Variants in TSGA13 observed in about 807,000 individuals in gnomAD.
TSGA13 encodes testis specific 13, also known as testis-specific gene 13 protein.
TSGA13 carries 37 observed loss-of-function variants against 35.1 expected under a neutral mutation model. That is an observed-to-expected ratio of 1.05 (90% CI 0.81 to 1.39). The LOEUF (loss-of-function observed/expected upper bound fraction) is 1.39. Ranked by LOEUF, TSGA13 falls within the 40% of genes most tolerant of loss-of-function variation. TSGA13 has a pLI of 0.00. For synonymous variants in TSGA13, 124 were observed against 121.2 expected, an observed-to-expected ratio of 1.02 and a Z score of -0.15; for missense variants, 338 against 328.5, an observed-to-expected ratio of 1.03 and a Z score of -0.22.
At chr7:130,684,876 T>C (rs1419078363) in intron 2 of TSGA13, among the ~76,000 whole-genome samples, 1 of 152,234 alleles carries the variant, frequency 6.6e-6, no homozygotes, top group Non-Finnish European at 1.5e-5. Flanking sequence ...AAAATGATTC[T>C]TTGATACCTA....
intron 5 of TSGA13, among the ~76,000 whole-genome samples, chr7:130,675,529 A>G (rs1796392553): frequency 6.6e-6 from 1 of 152,146 alleles, no homozygotes; most frequent in Non-Finnish European, 1.5e-5. Context: ...GACTACAGGC[A>G]TGTGCCACCA....
chr7:130,674,846 A>G (rs1447763293), intron 5 of TSGA13, among the ~76,000 whole-genome samples: 1 of 152,206 alleles, frequency 6.6e-6, no homozygotes, highest in Admixed American at 6.5e-5. Flanking sequence ...CTCTTGTATT[A>G]GGATGGTGCA....
At chr7:130,671,976 T>C (rs1208302549) in intron 6 of TSGA13, among the ~76,000 whole-genome samples, 188 bp from the exon 7 acceptor site, 5 of 151,980 alleles carry the variant, frequency 3.3e-5, no homozygotes, top group Non-Finnish European at 4.4e-5. Context: ...CTGCAACCTC[T>C]GCCTCCCAGG....
At position 130,671,569 on chromosome 7, in the gene TSGA13, AG is replaced by A. The variant is rs1365797564; in HGVS notation, c.658+91del. The A allele has an allele frequency of 1.0e-5, 14 of 1,351,654 alleles. No homozygotes were observed. In the African/African-American group the frequency reaches 2.1e-4, roughly 20 times the overall value. 83.7% of individuals were successfully genotyped at this position (1,351,654 alleles called of 1,614,324 possible). A position where few individuals can be genotyped will look rare whatever the true frequency, so the allele number is the denominator to read the frequency against. ...TAGTCTCCAGGACTACCACGAGAGAAGCCAGTTTGCCACATCTATAATCCTC... is the reference window on the plus strand; with the variant it reads ...TAGTCTCCAGGACTACCACGAGAGAACCAGTTTGCCACATCTATAATCCTC... On this transcript the variant is annotated intron_variant, in intron 7 of 7. Coordinates refer to ENST00000356588, the MANE Select transcript of TSGA13 (RefSeq NM_052933.4).
In TSGA13 at chr7:130,672,819, T is replaced by C. The variant is rs782402473; in HGVS notation, c.445A>G (p.Lys149Glu). Residue 149 changes from lysine (K) to glutamate (E), a missense_variant, in exon 6 of 8, where the codon AAA becomes GAA. By Grantham distance (56) the Lys-to-Glu change is moderately conservative (BLOSUM62 1). Transcript: ENST00000356588. ...ENLWLPRMPQ[K>E]KKLRSKLKPI... is the part of the protein sequence containing the mutation. ...TTCAGCTTAGATCTTAACTTTTTTT[T>C]CTGAGGCATGCGGGGCAGCCAGAGG... 3 of 1,614,066 alleles carry C rather than the reference T, an allele frequency of 1.9e-6. No homozygotes were observed. Among genetic ancestry groups the C allele is most frequent in the East Asian group, 4.5e-5 (2 of 44,894 alleles).
rs546368592 is a variant in TSGA13 at position 130,671,060 on chromosome 7, C to T, written c.658+601G>A. Among the ~76,000 whole-genome samples, 5 of 152,204 alleles carry T rather than the reference C, an allele frequency of 3.3e-5. No homozygotes were observed. The East Asian group carries it at 9.7e-4, about 29-fold the overall frequency. On this transcript the variant is annotated intron_variant, in intron 7 of 7. Coordinates refer to ENST00000356588, the MANE Select transcript of TSGA13 (RefSeq NM_052933.4). ...ATATGTGAGGAGGATTCTCATTGTA[C>T]CCTCTGCCATACAACCTTATTCCAA...
At chr7:130,670,720 A>G (rs1355429124) in intron 7 of TSGA13, among the ~76,000 whole-genome samples, 1 of 152,172 alleles carries the variant, frequency 6.6e-6, no homozygotes, top group Non-Finnish European at 1.5e-5. Flanking sequence ...CCTAGGTTCA[A>G]GCAATCCTCC....
rs568087088 is a variant in TSGA13 at position 130,671,810 on chromosome 7, T to C, written c.531-22A>G. 2.6e-6 allele frequency: 4 copies of C among 1,559,922 alleles called. No individual in the cohort carries two copies. In the South Asian group the frequency reaches 4.8e-5, roughly 19 times the overall value. On this transcript the variant is annotated intron_variant, in intron 6 of 7. Coordinates refer to ENST00000356588, the MANE Select transcript of TSGA13 (RefSeq NM_052933.4). ...AAACCTTAACAAAGAAAGTTCTTTG[T>C]TTAGTAGATCCTAGGGCAGGGGGAT... is the stretch of plus-strand genomic sequence containing the variant.
chr7:130,673,039 G>T (rs886765844), intron 5 of TSGA13, among the ~76,000 whole-genome samples, 163 bp from the exon 6 acceptor site: 1 of 152,198 alleles, frequency 6.6e-6, no homozygotes, highest in African/African-American at 2.4e-5. Context: ...AGAGGAAGCC[G>T]TTCCCTGGGA....
intron 4 of TSGA13, among the ~76,000 whole-genome samples, chr7:130,679,577 A>G (rs1255098937): frequency 2.0e-5 from 3 of 152,028 alleles, no homozygotes; most frequent in African/African-American, 7.2e-5. Flanking sequence ...TGGCATGATC[A>G]TGACTCACTG....
At chr7:130,677,177 C>T (rs1216711040) in intron 5 of TSGA13, among the ~76,000 whole-genome samples, 1 of 152,178 alleles carries the variant, frequency 6.6e-6, no homozygotes, top group Non-Finnish European at 1.5e-5. Flanking sequence ...CAGGCGTGAG[C>T]CACTGCTCCC....
chr7:130,683,587 TC>T lies in TSGA13; in HGVS notation c.102+6del, dbSNP rs1796596339. 3.1e-6 allele frequency: 5 copies of T among 1,613,156 alleles called. No homozygotes were observed. The highest frequency in any genetic ancestry group is 4.2e-6 in the Non-Finnish European group (5 of 1,179,476). On this transcript the variant is annotated splice_donor_region_variant and intron_variant, in intron 3 of 7. Transcript: ENST00000356588. ...TTAAACATTGAACACTTACTAACAC[TC>T]CTTACCTCTTTGCTATTGACAACCA...
chr7:130,680,487 C>G (rs1554464919), intron 4 of TSGA13, among the ~76,000 whole-genome samples: 1 of 143,740 alleles, frequency 7.0e-6, no homozygotes, highest in Non-Finnish European at 1.5e-5. Context: ...GCCTGGGCAA[C>G]AGAGCGAGAC....
chr7:130,680,607 T>C (rs542540864), intron 4 of TSGA13, among the ~76,000 whole-genome samples: 2 of 151,728 alleles, frequency 1.3e-5, no homozygotes, highest in Admixed American at 1.3e-4. Flanking sequence ...TTTCTCTCAA[T>C]AGGAGAAAGG....
At chr7:130,675,447 A>C (rs1182864156) in intron 5 of TSGA13, among the ~76,000 whole-genome samples, 1 of 151,950 alleles carries the variant, frequency 6.6e-6, no homozygotes, top group African/African-American at 2.4e-5. Context: ...GCAGTGGCAC[A>C]GTCTCCACTC....
chr7:130,675,262 T>C (rs1554463987), intron 5 of TSGA13, among the ~76,000 whole-genome samples: 1 of 151,932 alleles, frequency 6.6e-6, no homozygotes, highest in Non-Finnish European at 1.5e-5. Flanking sequence ...TGGGTTTTTT[T>C]CTACCTATAG....
Position 130,668,729 on chromosome 7 carries a change from G to C in TSGA13, c.*285C>G. ...CCGTCCCAGGCGCCGCAGCCGGCGA[G>C]CGGAAGAGGCTGCAGGAAGGCCGGC... On this transcript the variant is annotated 3_prime_UTR_variant, in exon 8 of 8. Transcript: ENST00000356588. 2 of 1,493,422 alleles carry C rather than the reference G, an allele frequency of 1.3e-6. No individual in the cohort carries two copies. Among genetic ancestry groups the C allele is most frequent in the South Asian group, 1.3e-5 (1 of 78,392 alleles). The allele number at this position is 1,493,422 out of a possible 1,614,324, so 92.5% of individuals were successfully genotyped here. A position where few individuals can be genotyped will look rare whatever the true frequency, so the allele number is the denominator to read the frequency against.
At chr7:130,675,523 A>G (rs961884326) in intron 5 of TSGA13, among the ~76,000 whole-genome samples, 42 of 152,178 alleles carry the variant, frequency 2.8e-4, no homozygotes, top group African/African-American at 9.9e-4. Context: ...AGCTAGGACT[A>G]CAGGCATGTG....
At chr7:130,684,662 A>G (rs1796620549) in intron 2 of TSGA13, among the ~76,000 whole-genome samples, 1 of 152,282 alleles carries the variant, frequency 6.6e-6, no homozygotes, top group African/African-American at 2.4e-5. Context: ...TATCCCATTC[A>G]AGCATAGCTA....
Sources: allele counts gnomAD v4.1 joint callset (sites outside exome capture counted in the v4.1 genomes callset), GRCh38; gene constraint gnomAD v4.1.1; transcripts MANE v1.5; gene names NCBI Gene and HGNC (gene_info 2026-07-23, HGNC 2026-07-21).